The following PDIA3 variants were observed in gnomAD, a reference collection of about 807,000 sequenced individuals.
The protein encoded by PDIA3 is protein disulfide-isomerase A3.
In PDIA3, 16 loss-of-function variants were observed where a neutral mutation model predicts 56.9. That is an observed-to-expected ratio of 0.28 (90% CI 0.19 to 0.43). The LOEUF is 0.43. Among genes scored for constraint, PDIA3 ranks in the 20% least tolerant of loss-of-function variants. The probability of loss-of-function intolerance (pLI) is 1.00; values close to 1 mark genes in which losing one functional copy is unlikely to be tolerated. For missense variants in PDIA3, 485 were observed against 621.3 expected (o/e 0.78, Z 2.33); for synonymous variants, 192 against 216.5 (o/e 0.89, Z 0.99).
chr15:43,771,838 C>T lies in PDIA3; in HGVS notation c.*620C>T. The T allele has an allele frequency of 2.6e-6, 1 of 387,606 alleles. No homozygotes were observed. The highest frequency in any genetic ancestry group is 4.6e-6 in the Non-Finnish European group (1 of 219,646). 24.0% of individuals were successfully genotyped at this position (387,606 alleles called of 1,614,324 possible). A position where few individuals can be genotyped will look rare whatever the true frequency, so the allele number is the denominator to read the frequency against. On this transcript the variant is annotated 3_prime_UTR_variant, in exon 13 of 13. Coordinates refer to ENST00000300289, the MANE Select transcript of PDIA3 (RefSeq NM_005313.5). ...CTCCTTACATGTTTATTTCCCAGGC[C>T]TACCCTGGTGATTAGAACAGCTGAA...
At chr15:43,751,170 T>G (rs1336471469) in intron 1 of PDIA3, among the ~76,000 whole-genome samples, 1 of 151,852 alleles carries the variant, frequency 6.6e-6, no homozygotes, top group Non-Finnish European at 1.5e-5. Context: ...CTAATTTCTT[T>G]ACTTGTAATC....
rs2086873056 is a variant in PDIA3, at chr15:43,770,267, T to C, written c.1284T>C (p.Asn428=). 6.2e-7 allele frequency: 1 copy of C among 1,613,930 alleles called. No individual in the cohort carries two copies. The change falls in exon 11 of 13, where the codon AAT becomes AAC. Residue 428 remains asparagine, a synonymous_variant. Coordinates refer to ENST00000300289, the MANE Select transcript of PDIA3 (RefSeq NM_005313.5). The part of the protein sequence containing the change: ...ELGEKLSKDP[N]IVIAKMDATA... ...ATTAACAGCTCAGCAAAGACCCAAA[T>C]ATCGTCATAGCCAAGATGGATGCCA...
chr15:43,765,595 A>G (rs2141655210), intron 6 of PDIA3, 29 bp downstream of exon 6: 2 of 1,322,554 alleles, frequency 1.5e-6, no homozygotes, highest in East Asian at 4.6e-5. Flanking sequence ...CTTGTCTGGG[A>G]TTTATTTGCT....
chr15:43,762,255 TA>T (rs1471071958), intron 4 of PDIA3, among the ~76,000 whole-genome samples: 1 of 152,232 alleles, frequency 6.6e-6, no homozygotes, highest in Non-Finnish European at 1.5e-5. Context: ...CTCACGCCTG[TA>T]ATCCCAGCAC....
In PDIA3 at chr15:43,773,009, C is replaced by T. The variant is rs2086890331; in HGVS notation, c.*1791C>T. On this transcript the variant is annotated 3_prime_UTR_variant, in exon 13 of 13. Coordinates refer to ENST00000300289, the MANE Select transcript of PDIA3 (RefSeq NM_005313.5). Reference sequence around the variant, plus strand: ...AGCTCTCTACTTGCCACCATGGACTCCAGTGGTCAGCATAAGAAAAGCAGA... The same window carrying T: ...AGCTCTCTACTTGCCACCATGGACTTCAGTGGTCAGCATAAGAAAAGCAGA... The T allele has an allele frequency of 9.4e-7, 1 of 1,066,544 alleles. No homozygotes were observed. Among genetic ancestry groups the T allele is most frequent in the Middle Eastern group, 3.1e-4 (1 of 3,184 alleles). The allele number at this position is 1,066,544 out of a possible 1,614,324, so 66.1% of individuals were successfully genotyped here.
At chr15:43,768,385 G>A (rs994352711) in intron 8 of PDIA3, 104 bp from the exon 9 acceptor site, 1 of 748,940 alleles carries the variant, frequency 1.3e-6, no homozygotes, top group Non-Finnish European at 2.3e-6. Flanking sequence ...CCCTTTTTTA[G>A]CCTTGAAAAG....
At chr15:43,747,515 G>A (rs907244348) in intron 1 of PDIA3, among the ~76,000 whole-genome samples, 1 of 151,710 alleles carries the variant, frequency 6.6e-6, no homozygotes, top group Non-Finnish European at 1.5e-5. Context: ...TTGGGGAGAA[G>A]GAAGAGCAAA....
chr15:43,759,662 A>G (rs1812449126), intron 3 of PDIA3, among the ~76,000 whole-genome samples: 1 of 152,236 alleles, frequency 6.6e-6, no homozygotes, highest in Non-Finnish European at 1.5e-5. Context: ...ATGAATAGTA[A>G]ACAAAATACG....
chr15:43,771,144 A>C lies in PDIA3; in HGVS notation c.1444A>C (p.Arg482=), dbSNP rs1053747. 6.2e-7 allele frequency: 1 copy of C among 1,613,128 alleles called. No individual in the cohort carries two copies. The change falls in exon 13 of 13, where the codon AGA becomes CGA. Residue 482 remains arginine, a synonymous_variant. Transcript: ENST00000300289. ...AAGTGATTTTATTAGCTATCTACAA[A>C]GAGAAGCTACAAACCCCCCTGTAAT... ...ELSDFISYLQ[R]EATNPPVIQE...
intron 1 of PDIA3, among the ~76,000 whole-genome samples, chr15:43,751,143 A>AT (rs1222485754): frequency 1.2e-3 from 132 of 113,518 alleles, no homozygotes; most frequent in East Asian, 3.8e-3. Context: ...AAAAAAAAAA[A>AT]AAAAATAATA....
chr15:43,759,866 A>G (rs952619659), intron 3 of PDIA3, among the ~76,000 whole-genome samples: 2 of 151,894 alleles, frequency 1.3e-5, no homozygotes, highest in African/African-American at 4.8e-5. Flanking sequence ...TGGGCAGATC[A>G]CGAGGTCAGG....
intron 3 of PDIA3, among the ~76,000 whole-genome samples, chr15:43,759,310 A>G (rs1298436568): frequency 1.3e-5 from 2 of 152,188 alleles, no homozygotes; most frequent in Non-Finnish European, 2.9e-5. Context: ...AAATAAATAA[A>G]TAAAATTACC....
intron 12 of PDIA3, 122 bp downstream of exon 12, chr15:43,770,702 C>G: frequency 1.4e-6 from 1 of 724,096 alleles, no homozygotes. Context: ...GAGTTTCGCT[C>G]TTGTTGCCTG....
At chr15:43,748,068 T>G (rs1254762928) in intron 1 of PDIA3, among the ~76,000 whole-genome samples, 4 of 152,200 alleles carry the variant, frequency 2.6e-5, no homozygotes, top group Non-Finnish European at 4.4e-5. Flanking sequence ...TTGTAAAAAC[T>G]GGGGGTGTCA....
chr15:43,762,181 A>T (rs897843666), intron 4 of PDIA3, among the ~76,000 whole-genome samples: 3 of 152,192 alleles, frequency 2.0e-5, no homozygotes, highest in Admixed American at 6.5e-5. Context: ...CATAAAAGCT[A>T]TGTTTGTGCT....
chr15:43,752,968 G>A (rs2086754409), intron 1 of PDIA3: 1 of 446,036 alleles, frequency 2.2e-6, no homozygotes, highest in African/African-American at 2.0e-5. Context: ...TACATGTTTT[G>A]TTATCACTTC....
rs900392033 is a variant in PDIA3, at chr15:43,750,772, CAAAA to C, written c.168-3042_168-3039del. Among the ~76,000 whole-genome samples the C allele has an allele frequency of 5.9e-5, 8 of 135,026 alleles. No individual in the cohort carries two copies. In the South Asian group the frequency reaches 1.2e-3, roughly 20 times the overall value. The allele number at this position is 135,026 out of a possible 152,430, so 88.6% of individuals were successfully genotyped here. On this transcript the variant is annotated intron_variant, in intron 1 of 12. Transcript: ENST00000300289. ...CCTGGGCGACAGCGAGACTCCTTCT[CAAAA>C]AAAAAAAAAGTCCTCAACATCTATT...
intron 3 of PDIA3, among the ~76,000 whole-genome samples, chr15:43,761,150 G>T (rs913393913): frequency 1.3e-5 from 2 of 151,444 alleles, no homozygotes; most frequent in Admixed American, 6.6e-5. Flanking sequence ...GCTGAGGTAG[G>T]AGAATGGCAT....
chr15:43,761,948 A>AGTAAT (rs1438062360), intron 4 of PDIA3, among the ~76,000 whole-genome samples: 3 of 152,184 alleles, frequency 2.0e-5, no homozygotes, highest in Non-Finnish European at 2.9e-5. Context: ...AGGAAGATAC[A>AGTAAT]AGTAAATAAT....
Sources: gnomAD v4.1 joint callset for allele counts (sites outside exome capture counted in the v4.1 genomes callset) on GRCh38, gnomAD v4.1.1 for gene constraint, MANE v1.5 for transcripts, NCBI Gene and HGNC (gene_info 2026-07-23, HGNC 2026-07-21) for gene names.